The following ABHD17C variants were observed in gnomAD, a reference collection of about 807,000 sequenced individuals.
The protein encoded by ABHD17C is alpha/beta hydrolase domain-containing protein 17C.
ABHD17C carries 11 observed loss-of-function variants against 27.9 expected under a neutral mutation model. That is an observed-to-expected ratio of 0.39 (90% CI 0.25 to 0.65). ABHD17C has a LOEUF of 0.65. Ranked by LOEUF, ABHD17C falls within the 30% of genes least tolerant of loss-of-function variation. The pLI, the probability that ABHD17C is intolerant of heterozygous loss-of-function variation, is 0.45. For synonymous variants in ABHD17C, 233 were observed against 209.1 expected, an observed-to-expected ratio of 1.11 and a Z score of -0.98; for missense variants, 280 against 470.2, an observed-to-expected ratio of 0.60 and a Z score of 3.74.
chr15:80,718,958 C>T (rs938001193), intron 1 of ABHD17C, among the ~76,000 whole-genome samples: 4 of 152,244 alleles, frequency 2.6e-5, no homozygotes, highest in East Asian at 1.9e-4. Context: ...GTAACTCCCT[C>T]TTCTATTTTT....
intron 1 of ABHD17C, among the ~76,000 whole-genome samples, chr15:80,706,323 T>A (rs1894647871): frequency 1.3e-5 from 2 of 152,162 alleles, no homozygotes; most frequent in Non-Finnish European, 2.9e-5. Context: ...TTCCAGGAAG[T>A]CGAGGTCATT....
intron 1 of ABHD17C, among the ~76,000 whole-genome samples, chr15:80,710,540 A>G (rs901823422): frequency 1.3e-5 from 2 of 152,274 alleles, no homozygotes; most frequent in East Asian, 1.9e-4. Context: ...TAGATGAGAG[A>G]TGCTGGTGGC....
rs10523879 is a variant in ABHD17C, at chr15:80,705,333, T to TTTGTGTG, written c.590+9315_590+9316insTGTGTGT. Among the ~76,000 whole-genome samples the TTTGTGTG allele has an allele frequency of 2.0e-4, 21 of 106,886 alleles. No homozygotes were observed. The East Asian group carries it at 2.7e-3, about 14-fold the overall frequency. The allele number at this position is 106,886 out of a possible 152,430, so 70.1% of individuals were successfully genotyped here. Reference sequence around the variant, plus strand: ...CCTGCAGTTCTGAGCTTCCTATGATTTGTGTGTGTGTGTGTGTGTGTGTGT... The same window carrying TTTGTGTG: ...CCTGCAGTTCTGAGCTTCCTATGATTTTGTGTGTGTGTGTGTGTGTGTGTGTGTGTGT... On this transcript the variant is annotated intron_variant, in intron 1 of 2. Transcript: ENST00000258884.
intron 1 of ABHD17C, among the ~76,000 whole-genome samples, chr15:80,698,422 C>A (rs1315169984): frequency 6.6e-6 from 1 of 152,122 alleles, no homozygotes; most frequent in African/African-American, 2.4e-5. Context: ...AATTTATTTC[C>A]CAACTCATGT....
intron 1 of ABHD17C, among the ~76,000 whole-genome samples, chr15:80,738,009 C>T (rs571132864): frequency 1.3e-5 from 2 of 150,782 alleles, no homozygotes; most frequent in African/African-American, 2.4e-5. Context: ...TTGGGAAGGA[C>T]GGATTGGAGT....
chr15:80,732,738 C>T (rs1567036339), intron 1 of ABHD17C, among the ~76,000 whole-genome samples: 1 of 152,150 alleles, frequency 6.6e-6, no homozygotes, highest in Non-Finnish European at 1.5e-5. Flanking sequence ...GGGTTCTGCC[C>T]AGCGGAAAGT....
intron 1 of ABHD17C, among the ~76,000 whole-genome samples, chr15:80,710,660 A>G (rs1483607091): frequency 6.6e-6 from 1 of 152,216 alleles, no homozygotes; most frequent in Non-Finnish European, 1.5e-5. Flanking sequence ...TGTCAAGGAT[A>G]ACGCCAAGGA....
chr15:80,748,738 A>G (rs1356433232), intron 1 of ABHD17C, among the ~76,000 whole-genome samples: 1 of 149,028 alleles, frequency 6.7e-6, no homozygotes, highest in Non-Finnish European at 1.5e-5. Flanking sequence ...GCTCACTGTG[A>G]TCTACTTGCC....
intron 1 of ABHD17C, among the ~76,000 whole-genome samples, chr15:80,720,642 C>T (rs574922931): frequency 6.6e-5 from 10 of 151,954 alleles, no homozygotes; most frequent in Non-Finnish European, 1.3e-4. Flanking sequence ...TATTAATGGC[C>T]GGACGCAGTG....
intron 1 of ABHD17C, among the ~76,000 whole-genome samples, chr15:80,738,746 G>A (rs1895166603): frequency 6.6e-6 from 1 of 152,170 alleles, no homozygotes; most frequent in East Asian, 1.9e-4. Flanking sequence ...GATGTTACAT[G>A]TGAAGGGATG....
At position 80,732,721 on chromosome 15, in the gene ABHD17C, G is replaced by T. The variant is rs1895073720; in HGVS notation, c.591-16792G>T. Among the ~76,000 whole-genome samples the T allele has an allele frequency of 4.6e-5, 7 of 152,328 alleles. No individual in the cohort carries two copies. In the South Asian group the frequency reaches 1.5e-3, roughly 32 times the overall value. ...GGAGGGGCCAAAGGGCTGCTTCGCT[G>T]CTTCATGGGTTCTGCCCAGCGGAAA... On this transcript the variant is annotated intron_variant, in intron 1 of 2. Coordinates refer to ENST00000258884, the MANE Select transcript of ABHD17C (RefSeq NM_021214.2).
At chr15:80,715,535 T>C (rs1894791924) in intron 1 of ABHD17C, among the ~76,000 whole-genome samples, 1 of 152,170 alleles carries the variant, frequency 6.6e-6, no homozygotes, top group African/African-American at 2.4e-5. Flanking sequence ...TACATGTAAG[T>C]TGGATAGAAT....
intron 1 of ABHD17C, among the ~76,000 whole-genome samples, chr15:80,709,224 C>G (rs566364836): frequency 6.6e-6 from 1 of 151,876 alleles, no homozygotes; most frequent in East Asian, 1.9e-4. Flanking sequence ...CGTAGTGGCT[C>G]ACGCCTATAA....
At chr15:80,702,790 A>C (rs974236298) in intron 1 of ABHD17C, 2 of 152,208 alleles carry the variant, frequency 1.3e-5, no homozygotes, top group East Asian at 3.8e-4. Flanking sequence ...CAGAGTCTCA[A>C]CATATACAGT....
chr15:80,710,956 AGCTGTAGGC>A (rs1294325512), intron 1 of ABHD17C, among the ~76,000 whole-genome samples: 5 of 152,088 alleles, frequency 3.3e-5, no homozygotes, highest in African/African-American at 4.8e-5. Flanking sequence ...AGTATTGTTG[AGCTGTAGGC>A]GCTCATCAGA....
intron 1 of ABHD17C, among the ~76,000 whole-genome samples, chr15:80,717,208 T>C (rs1006135463): frequency 6.0e-5 from 9 of 149,906 alleles, no homozygotes; most frequent in African/African-American, 7.4e-5. Context: ...TCCTTTACAA[T>C]TGAACATACA....
intron 1 of ABHD17C, among the ~76,000 whole-genome samples, chr15:80,731,726 C>T (rs977324583): frequency 6.6e-6 from 1 of 151,458 alleles, no homozygotes; most frequent in Non-Finnish European, 1.5e-5. Context: ...ACAAATTTTA[C>T]TGTTTACTGT....
intron 1 of ABHD17C, among the ~76,000 whole-genome samples, chr15:80,706,893 T>A (rs1894655825): frequency 6.6e-6 from 1 of 152,258 alleles, no homozygotes; most frequent in Non-Finnish European, 1.5e-5. Flanking sequence ...CTGTTGTCCT[T>A]ATAACATGTA....
At chr15:80,713,078 TGTAA>T (rs1567032325) in intron 1 of ABHD17C, among the ~76,000 whole-genome samples, 2 of 151,982 alleles carry the variant, frequency 1.3e-5, no homozygotes, top group African/African-American at 4.8e-5. Flanking sequence ...ATTACTACTT[TGTAA>T]GTCTTTTTTT....
Sources: allele counts gnomAD v4.1 joint callset (sites outside exome capture counted in the v4.1 genomes callset), GRCh38; gene constraint gnomAD v4.1.1; transcripts MANE v1.5; gene names NCBI Gene and HGNC (gene_info 2026-07-23, HGNC 2026-07-21).